Variants in TUBGCP3 observed in about 807,000 individuals in gnomAD.
TUBGCP3 encodes the protein gamma-tubulin complex component 3.
TUBGCP3 carries 50 observed loss-of-function variants against 123.1 expected under a neutral mutation model. That is an observed-to-expected ratio of 0.41 (90% CI 0.32 to 0.51). The LOEUF is 0.51. Among genes scored for constraint, TUBGCP3 ranks in the 20% least tolerant of loss-of-function variants. TUBGCP3 has a pLI of 0.36. For synonymous variants in TUBGCP3, 405 were observed against 413.9 expected, an observed-to-expected ratio of 0.98 and a Z score of 0.26; for missense variants, 882 against 1,127.0, an observed-to-expected ratio of 0.78 and a Z score of 3.11.
In TUBGCP3 at chr13:112,526,936, T is replaced by C. The variant is rs1877179849; in HGVS notation, c.1555+6A>G. ...CATCATCACCACCCCACCAGCATCA[T>C]CATACCGTCCTGGGGTGACTCTGCA... On this transcript the variant is annotated splice_donor_region_variant and intron_variant, in intron 13 of 21. Coordinates refer to ENST00000261965, the MANE Select transcript of TUBGCP3 (RefSeq NM_006322.6). The C allele has an allele frequency of 1.1e-5, 18 of 1,605,068 alleles. No individual in the cohort carries two copies. Among genetic ancestry groups the C allele is most frequent in the Non-Finnish European group, 1.5e-5 (18 of 1,172,296 alleles).
rs576742600 is a variant in TUBGCP3 at position 112,563,736 on chromosome 13, G to A, written c.252+1375C>T. ...AAAAAAAAAAAAAAATTAGCCGGGC[G>A]TGTTGGCGGGCGCCTGTAGTCCCAG... is the stretch of plus-strand genomic sequence containing the variant. On this transcript the variant is annotated intron_variant, in intron 3 of 21. Coordinates refer to ENST00000261965, the MANE Select transcript of TUBGCP3 (RefSeq NM_006322.6). Among the ~76,000 whole-genome samples the A allele has an allele frequency of 3.4e-4, 51 of 151,082 alleles. No homozygotes were observed. In the East Asian group the frequency reaches 7.2e-3, roughly 21 times the overall value.
Position 112,519,868 on chromosome 13 carries a change from C to A in TUBGCP3, c.1881+18G>T, listed in dbSNP as rs1162703904. The stretch of plus-strand genomic sequence containing the variant: ...CTCGGTGCCGGGGCGGCGTTCCCAA[C>A]ACGCAGAGCCGCAGTACCTCCAGCA... On this transcript the variant is annotated intron_variant, in intron 15 of 21. Transcript: ENST00000261965. This position sits in a 1 kb window ranked among gnomAD's most constrained non-coding sequence, Gnocchi z 6.2. 6.2e-7 allele frequency: 1 copy of A among 1,608,388 alleles called. No individual in the cohort carries two copies. The highest frequency in any genetic ancestry group is 8.5e-7 in the Non-Finnish European group (1 of 1,176,218).
At chr13:112,536,956 G>A (rs1025674213) in intron 11 of TUBGCP3, among the ~76,000 whole-genome samples, 1 of 151,788 alleles carries the variant, frequency 6.6e-6, no homozygotes, top group African/African-American at 2.4e-5. Context: ...TTAATCTTTT[G>A]TAGAGAGGAA....
chr13:112,556,629 T>C (rs540818634), intron 5 of TUBGCP3, among the ~76,000 whole-genome samples: 24 of 152,294 alleles, frequency 1.6e-4, no homozygotes, highest in South Asian at 6.2e-4. Context: ...TCACTCCCCA[T>C]GTACTGAGCA....
In TUBGCP3 at chr13:112,546,985, C is replaced by T. The variant is rs2139174737; in HGVS notation, c.1168+635G>A. On this transcript the variant is annotated intron_variant, in intron 10 of 21. Coordinates refer to ENST00000261965, the MANE Select transcript of TUBGCP3 (RefSeq NM_006322.6). ...TCATCCTAACAACCCTAAGAAGTAA[C>T]TGCTACTAGGATCTCAATGTTACAA... The T allele has an allele frequency of 1.3e-5, 2 of 153,726 alleles. 1 individual carries two copies. Among genetic ancestry groups the T allele is most frequent in the Middle Eastern group, 6.8e-3 (2 of 294 alleles). 9.5% of individuals were successfully genotyped at this position (153,726 alleles called of 1,614,324 possible).
intron 21 of TUBGCP3, 140 bp downstream of exon 21, chr13:112,489,441 A>C: frequency 1.4e-6 from 1 of 703,508 alleles, no homozygotes; most frequent in Non-Finnish European, 2.6e-6. Flanking sequence ...CACAGGGTCC[A>C]CCATGGGTGC....
intron 20 of TUBGCP3, among the ~76,000 whole-genome samples, chr13:112,495,557 C>A (rs989470381): frequency 1.3e-5 from 2 of 152,060 alleles, no homozygotes; most frequent in Non-Finnish European, 2.9e-5. Context: ...ATTACAATAT[C>A]TTTATTAGAA....
chr13:112,577,535 G>A lies in TUBGCP3; in HGVS notation c.77-8276C>T, dbSNP rs1024640598. ...GCCCAAAGAGACAAGACAAATGAAT[G>A]TAACATTCCTAGAGGGAGCCTAGAG... On this transcript the variant is annotated intron_variant, in intron 1 of 21. Coordinates refer to ENST00000261965, the MANE Select transcript of TUBGCP3 (RefSeq NM_006322.6). 9.2e-5 allele frequency among the ~76,000 whole-genome samples: 14 copies of A among 152,258 alleles called. No homozygotes were observed. The East Asian group carries it at 2.3e-3, about 25-fold the overall frequency.
At chr13:112,532,714 A>T (rs1877687640) in intron 11 of TUBGCP3, among the ~76,000 whole-genome samples, 1 of 152,244 alleles carries the variant, frequency 6.6e-6, no homozygotes, top group African/African-American at 2.4e-5. Context: ...AAGAGCAAAA[A>T]ATATAAACTT....
At chr13:112,559,051 C>A (rs568704274) in intron 4 of TUBGCP3, among the ~76,000 whole-genome samples, 2 of 152,168 alleles carry the variant, frequency 1.3e-5, no homozygotes, top group Non-Finnish European at 2.9e-5. Flanking sequence ...AGTAACTTCA[C>A]AAAGTAAACA....
At chr13:112,540,454 G>A (rs112983380) in intron 11 of TUBGCP3, among the ~76,000 whole-genome samples, 59 of 124,492 alleles carry the variant, frequency 4.7e-4, no homozygotes, top group African/African-American at 1.5e-3. Flanking sequence ...GAATGAGGAC[G>A]TCAATGTAGT....
upstream of TUBGCP3, among the ~76,000 whole-genome samples, chr13:112,588,609 C>A (rs1362047628): frequency 6.6e-6 from 1 of 152,214 alleles, no homozygotes; most frequent in Admixed American, 6.5e-5. Context: ...GGCCGGTCCC[C>A]CCCGGCCCGG....
chr13:112,498,957 G>A (rs2274573), intron 20 of TUBGCP3, 88 bp downstream of exon 20: 46,325 of 1,614,076 alleles, frequency 0.029, 4,166 homozygotes, highest in African/African-American at 0.26. Context: ...ATTTTGGCAA[G>A]AAAGTTATTT....
At chr13:112,560,182 G>C (rs1434227976) in intron 3 of TUBGCP3, among the ~76,000 whole-genome samples, 2 of 147,542 alleles carry the variant, frequency 1.4e-5, no homozygotes, top group Admixed American at 1.4e-4. Context: ...TGTAATCCCA[G>C]CACTTTGGGA....
chr13:112,528,112 T>C (rs1348928346), intron 11 of TUBGCP3, among the ~76,000 whole-genome samples: 3 of 152,244 alleles, frequency 2.0e-5, no homozygotes, highest in Non-Finnish European at 4.4e-5. Flanking sequence ...GCCCTGACCC[T>C]GACGGGCACC....
intron 17 of TUBGCP3, among the ~76,000 whole-genome samples, chr13:112,505,840 G>C (rs767160062): frequency 4.3e-4 from 65 of 152,196 alleles, no homozygotes; most frequent in Non-Finnish European, 1.0e-4. Flanking sequence ...CTGGCACCCG[G>C]TCTCCAGGGA....
At chr13:112,565,796 G>A (rs1383148819) in intron 2 of TUBGCP3, among the ~76,000 whole-genome samples, 2 of 152,142 alleles carry the variant, frequency 1.3e-5, no homozygotes, top group Admixed American at 1.3e-4. Context: ...TTAGCTGGGT[G>A]TGTTAGCGGG....
chr13:112,547,573 AAAGTCG>A, intron 10 of TUBGCP3, 41 bp downstream of exon 10: 7 of 1,427,304 alleles, frequency 4.9e-6, no homozygotes, highest in East Asian at 2.6e-5. Context: ...CGCGCGTGGG[AAAGTCG>A]CGCGTGGGAA....
chr13:112,529,575 C>A lies in TUBGCP3; in HGVS notation c.1336-2091G>T, dbSNP rs1315889721. 2.0e-5 allele frequency among the ~76,000 whole-genome samples: 3 copies of A among 152,330 alleles called. No homozygotes were observed. In the South Asian group the frequency reaches 6.2e-4, roughly 32 times the overall value. ...GGGGAGCCTCTTCAAGCCGCTCCTG[C>A]GTCCTTCACCCTGGACCCCAGTGGT... On this transcript the variant is annotated intron_variant, in intron 11 of 21. Transcript: ENST00000261965.
Sources: allele counts gnomAD v4.1 joint callset (sites outside exome capture counted in the v4.1 genomes callset), GRCh38; gene constraint gnomAD v4.1.1; non-coding constraint Gnocchi (gnomAD v3.1); transcripts MANE v1.5; gene names NCBI Gene and HGNC (gene_info 2026-07-23, HGNC 2026-07-21).